The following DNER variants were observed in gnomAD, a reference collection of about 807,000 sequenced individuals.
DNER encodes delta and Notch-like epidermal growth factor-related receptor.
A neutral mutation model predicts 78.2 loss-of-function variants in DNER; 33 were observed. That is an observed-to-expected ratio of 0.42 (90% confidence interval 0.32 to 0.56). The LOEUF (loss-of-function observed/expected upper bound fraction) is 0.56. Among genes scored for constraint, DNER ranks in the 20% least tolerant of loss-of-function variants. DNER has a pLI of 0.11. For synonymous variants in DNER, 417 were observed against 384.8 expected (o/e 1.08, Z -0.98); for missense variants, 918 against 975.3 (o/e 0.94, Z 0.78).
intron 1 of DNER, among the ~76,000 whole-genome samples, chr2:229,636,369 G>A (rs1025772185): frequency 3.9e-5 from 6 of 152,186 alleles, no homozygotes; most frequent in Non-Finnish European, 8.8e-5. Flanking sequence ...TGTTCAACTG[G>A]CACAAAAAGT....
intron 1 of DNER, among the ~76,000 whole-genome samples, chr2:229,700,683 G>C (rs1228603708): frequency 6.6e-6 from 1 of 152,056 alleles, no homozygotes; most frequent in East Asian, 1.9e-4. Flanking sequence ...GGGAGGCCGA[G>C]GTGGGCAGAT....
At chr2:229,613,353 C>T (rs1698085642) in intron 1 of DNER, among the ~76,000 whole-genome samples, 1 of 152,146 alleles carries the variant, frequency 6.6e-6, no homozygotes, top group Non-Finnish European at 1.5e-5. Flanking sequence ...AGCCAGATCA[C>T]CTGAATTACA....
At chr2:229,580,711 A>G (rs1016482871) in intron 4 of DNER, among the ~76,000 whole-genome samples, 17 of 152,190 alleles carry the variant, frequency 1.1e-4, no homozygotes, top group African/African-American at 3.6e-4. Context: ...GCAGGAAAAA[A>G]TCGGGGTTTC....
intron 1 of DNER, among the ~76,000 whole-genome samples, chr2:229,622,041 G>T (rs780836231): frequency 1.3e-5 from 2 of 152,152 alleles, no homozygotes; most frequent in Non-Finnish European, 1.5e-5. Context: ...AGCCGAGATC[G>T]CGCCGCTGCC....
chr2:229,523,507 T>C (rs1329278635), intron 5 of DNER, among the ~76,000 whole-genome samples: 2 of 152,166 alleles, frequency 1.3e-5, no homozygotes, highest in East Asian at 3.9e-4. Context: ...TGTCCTTTCT[T>C]ATTGGATGAG....
At chr2:229,530,443 G>A (rs1056942617) in intron 5 of DNER, among the ~76,000 whole-genome samples, 33 of 152,126 alleles carry the variant, frequency 2.2e-4, no homozygotes, top group Non-Finnish European at 7.3e-5. Context: ...AGCCCTAAAC[G>A]ATATCCCATT....
chr2:229,595,483 T>C (rs1156387960), intron 1 of DNER, among the ~76,000 whole-genome samples: 5 of 152,174 alleles, frequency 3.3e-5, no homozygotes, highest in Non-Finnish European at 5.9e-5. Flanking sequence ...GGTTTCACCA[T>C]GTTGGCCAGG....
chr2:229,544,809 C>T (rs1696588296), intron 5 of DNER, among the ~76,000 whole-genome samples: 2 of 152,160 alleles, frequency 1.3e-5, no homozygotes, highest in Non-Finnish European at 2.9e-5. Context: ...GCTGGGATTA[C>T]AGGCGTGAGC....
chr2:229,411,796 C>T (rs1227660816), intron 9 of DNER, among the ~76,000 whole-genome samples: 1 of 152,066 alleles, frequency 6.6e-6, no homozygotes, highest in South Asian at 2.1e-4. Flanking sequence ...CCTAGCAATA[C>T]ATAAATCAAA....
chr2:229,611,097 A>G (rs959588111), intron 1 of DNER, among the ~76,000 whole-genome samples: 3 of 152,256 alleles, frequency 2.0e-5, no homozygotes, highest in African/African-American at 7.2e-5. Context: ...CGATGTGAAC[A>G]GGAAATGAGG....
intron 6 of DNER, among the ~76,000 whole-genome samples, chr2:229,485,363 C>T (rs13384217): frequency 0.19 from 29,544 of 152,138 alleles, 3,186 homozygotes; most frequent in East Asian, 0.38. Flanking sequence ...TGACCAGACA[C>T]TTGAAGGAAA....
chr2:229,389,358 G>A (rs1323522119), intron 10 of DNER, among the ~76,000 whole-genome samples: 2 of 151,550 alleles, frequency 1.3e-5, no homozygotes, highest in Admixed American at 6.6e-5. Flanking sequence ...ATTACAAAAC[G>A]CATACACCTC....
intron 8 of DNER, among the ~76,000 whole-genome samples, chr2:229,426,418 G>C (rs1168301018): frequency 7.1e-6 from 1 of 141,608 alleles, no homozygotes; most frequent in Non-Finnish European, 1.5e-5. Context: ...TCCAGCCTGG[G>C]TGACAGAGCG....
intron 8 of DNER, among the ~76,000 whole-genome samples, chr2:229,445,569 G>A (rs1295897698): frequency 1.3e-5 from 2 of 152,212 alleles, no homozygotes; most frequent in Non-Finnish European, 2.9e-5. Flanking sequence ...TGAAGCAGAT[G>A]ACTCTCCAGA....
At chr2:229,624,232 G>A (rs1698299904) in intron 1 of DNER, among the ~76,000 whole-genome samples, 1 of 152,040 alleles carries the variant, frequency 6.6e-6, no homozygotes, top group African/African-American at 2.4e-5. Context: ...TATAACAAAA[G>A]GAAAACACAA....
chr2:229,553,769 A>G (rs1696794300), intron 4 of DNER, among the ~76,000 whole-genome samples: 1 of 152,142 alleles, frequency 6.6e-6, no homozygotes, highest in Admixed American at 6.5e-5. Context: ...AAAACTGCCA[A>G]CGATAACAAC....
intron 1 of DNER, among the ~76,000 whole-genome samples, chr2:229,697,089 C>T (rs768326475): frequency 6.6e-6 from 1 of 152,126 alleles, no homozygotes; most frequent in Admixed American, 6.5e-5. Context: ...AGGGTGGGAA[C>T]AATTCAAATG....
At chr2:229,702,790 G>A (rs900066759) in intron 1 of DNER, among the ~76,000 whole-genome samples, 13 of 151,808 alleles carry the variant, frequency 8.6e-5, no homozygotes, top group African/African-American at 2.7e-4. Context: ...GGTGGCGGGC[G>A]CCTGTAGTCC....
intron 7 of DNER, among the ~76,000 whole-genome samples, chr2:229,471,005 G>A (rs925511707): frequency 6.6e-6 from 1 of 151,628 alleles, no homozygotes; most frequent in African/African-American, 2.4e-5. Context: ...GCCAAATTTT[G>A]AAAGAACAAG....
Sources: gnomAD v4.1 joint callset for allele counts (sites outside exome capture counted in the v4.1 genomes callset) on GRCh38, gnomAD v4.1.1 for gene constraint, MANE v1.5 for transcripts, NCBI Gene and HGNC (gene_info 2026-07-23, HGNC 2026-07-21) for gene names.